CAST: variants seen among roughly 807,000 people sequenced by gnomAD.
The protein encoded by CAST is MIR583 host.
In CAST, 76 loss-of-function variants were observed where a neutral mutation model predicts 119.6. That is an observed-to-expected ratio of 0.64 (90% CI 0.53 to 0.77). The LOEUF (loss-of-function observed/expected upper bound fraction) is 0.77. CAST is among the 30% of genes least tolerant of loss of function. The pLI, the probability that CAST is intolerant of heterozygous loss-of-function variation, is 0.00. For synonymous variants in CAST, 319 were observed against 331.6 expected (o/e 0.96, Z 0.41); for missense variants, 953 against 946.5 (o/e 1.01, Z -0.09).
the CAST span, among the ~76,000 whole-genome samples, chr5:96,509,712 A>G: frequency 6.6e-6 from 1 of 152,224 alleles, no homozygotes; most frequent in Admixed American, 6.5e-5. Context: ...CAAGAAATCA[A>G]TAAGAAGGAA....
intron 3 of CAST, among the ~76,000 whole-genome samples, chr5:96,711,758 C>T (rs1307724464): frequency 6.6e-6 from 1 of 152,164 alleles, no homozygotes; most frequent in African/African-American, 2.4e-5. Context: ...TGTTTCTAAA[C>T]TTAAACACTG....
At chr5:96,475,182 A>T in the CAST span, among the ~76,000 whole-genome samples, 3 of 152,118 alleles carry the variant, frequency 2.0e-5, no homozygotes, top group Non-Finnish European at 4.4e-5. Context: ...TCTGTCGGAG[A>T]GGCCCCTCAT....
the CAST span, chr5:96,412,948 C>T: frequency 1.3e-5 from 13 of 1,025,312 alleles, no homozygotes; most frequent in African/African-American, 2.3e-4. Flanking sequence ...CTCCAAGCAG[C>T]CCTCTGGTGA....
At chr5:96,662,342 T>TCG, upstream of CAST, 1 of 279,246 alleles carries the variant, frequency 3.6e-6, no homozygotes. Flanking sequence ...CCTCCCTCTC[T>TCG]CCCTGGCAGG....
the CAST span, among the ~76,000 whole-genome samples, chr5:96,425,048 G>GAAAGAAAA: frequency 9.5e-4 from 118 of 123,974 alleles, 1 homozygote; most frequent in Non-Finnish European, 1.3e-3. Context: ...AAGAAAGAAA[G>GAAAGAAAA]AAAGAAAGAA....
At chr5:96,716,125 A>G (rs1757143093) in intron 3 of CAST, among the ~76,000 whole-genome samples, 1 of 152,242 alleles carries the variant, frequency 6.6e-6, no homozygotes, top group Non-Finnish European at 1.5e-5. Context: ...ATAATCCATC[A>G]TTACAGAAAG....
At chr5:96,195,116 G>A in the CAST span, among the ~76,000 whole-genome samples, 1 of 152,182 alleles carries the variant, frequency 6.6e-6, no homozygotes, top group Non-Finnish European at 1.5e-5. Flanking sequence ...TGAAGAAGTT[G>A]CTGGCAGACC....
chr5:96,491,394 A>G, the CAST span, among the ~76,000 whole-genome samples: 3 of 145,936 alleles, frequency 2.1e-5, no homozygotes, highest in East Asian at 2.1e-4. Context: ...GGGAGGCTGA[A>G]GCAGGAGAAT....
chr5:96,131,674 C>T, the CAST span, among the ~76,000 whole-genome samples: 14 of 152,206 alleles, frequency 9.2e-5, no homozygotes, highest in South Asian at 6.2e-4. Context: ...TTTTTATCAG[C>T]GACCTACATG....
intron 3 of CAST, among the ~76,000 whole-genome samples, chr5:96,720,042 G>A (rs1304150331): frequency 6.6e-6 from 1 of 152,152 alleles, no homozygotes; most frequent in African/African-American, 2.4e-5. Context: ...TTCTACTAAT[G>A]CCATCTTTGA....
the CAST span, among the ~76,000 whole-genome samples, chr5:96,505,619 G>A: frequency 6.6e-6 from 1 of 152,218 alleles, no homozygotes; most frequent in Non-Finnish European, 1.5e-5. Flanking sequence ...AATCACCACT[G>A]GTTCTCAGTT....
chr5:96,650,651 C>T (rs542535684), intron 1 of CAST, among the ~76,000 whole-genome samples: 4 of 151,936 alleles, frequency 2.6e-5, no homozygotes, highest in Non-Finnish European at 5.9e-5. Flanking sequence ...CAGCTCTCCC[C>T]TTCACTTTCT....
At chr5:96,221,282 G>T in the CAST span, among the ~76,000 whole-genome samples, 1 of 151,956 alleles carries the variant, frequency 6.6e-6, no homozygotes, top group Non-Finnish European at 1.5e-5. Flanking sequence ...TCAGGCAAGA[G>T]AAAAAAATAA....
the CAST span, among the ~76,000 whole-genome samples, chr5:96,475,043 G>A: frequency 6.6e-6 from 1 of 152,162 alleles, no homozygotes; most frequent in Non-Finnish European, 1.5e-5. Context: ...CTGTTCTCTT[G>A]CCCTTTGGTT....
At chr5:96,445,815 G>A in the CAST span, among the ~76,000 whole-genome samples, 4,613 of 152,234 alleles carry the variant, frequency 0.03, 99 homozygotes, top group Non-Finnish European at 0.046. Context: ...AAACCCGGGG[G>A]TAATGGAGGT....
chr5:96,409,164 A>G, the CAST span, among the ~76,000 whole-genome samples: 1 of 152,224 alleles, frequency 6.6e-6, no homozygotes, highest in African/African-American at 2.4e-5. Flanking sequence ...AACTGAAAAG[A>G]CTTCCTGTCT....
chr5:95,970,172 C>T, the CAST span: 1 of 152,332 alleles, frequency 6.6e-6, no homozygotes, highest in African/African-American at 2.4e-5. Flanking sequence ...ACTCCTTAGG[C>T]GTTGCACTTA....
intron 2 of CAST, among the ~76,000 whole-genome samples, chr5:96,676,741 CT>C (rs891974658): frequency 3.3e-5 from 5 of 150,860 alleles, no homozygotes; most frequent in Admixed American, 3.3e-4. Context: ...ACAAATTTTT[CT>C]TTTTCCCAAC....
the CAST span, among the ~76,000 whole-genome samples, chr5:96,422,388 G>A: frequency 6.6e-6 from 1 of 152,126 alleles, no homozygotes; most frequent in East Asian, 1.9e-4. Context: ...GTGGCTGAGG[G>A]TGGGACTCAG....
Sources: allele counts gnomAD v4.1 joint callset (sites outside exome capture counted in the v4.1 genomes callset), GRCh38; gene constraint gnomAD v4.1.1; transcripts MANE v1.5; gene names NCBI Gene and HGNC (gene_info 2026-07-23, HGNC 2026-07-21).